The following STK3 variants were observed in gnomAD, a reference collection of about 807,000 sequenced individuals.
The protein encoded by STK3 is serine/threonine-protein kinase 3.
A neutral mutation model predicts 58.0 loss-of-function variants in STK3; 41 were observed. The observed-to-expected ratio is 0.71, with a 90% CI of 0.55 to 0.92. The LOEUF (loss-of-function observed/expected upper bound fraction) is 0.92. Ranked by LOEUF, STK3 falls within the 40% of genes least tolerant of loss-of-function variation. The pLI is 0.00. For synonymous variants in STK3, 170 were observed against 191.0 expected, an observed-to-expected ratio of 0.89 and a Z score of 0.91; for missense variants, 479 against 602.7, an observed-to-expected ratio of 0.79 and a Z score of 2.15.
At chr8:98,748,737 T>C (rs148506197) in intron 4 of STK3, among the ~76,000 whole-genome samples, 1 of 152,122 alleles carries the variant, frequency 6.6e-6, no homozygotes, top group East Asian at 1.9e-4. Flanking sequence ...ATAAAAAGCT[T>C]TTATTAAACA....
chr8:98,817,361 G>A (rs1175887163), intron 1 of STK3, among the ~76,000 whole-genome samples: 1 of 151,652 alleles, frequency 6.6e-6, no homozygotes, highest in Non-Finnish European at 1.5e-5. Flanking sequence ...GGCTGAGGCA[G>A]GAGAATTGCT....
intron 7 of STK3, chr8:98,595,665 A>G: frequency 6.3e-6 from 1 of 158,826 alleles, no homozygotes; most frequent in Non-Finnish European, 1.4e-5. Flanking sequence ...TGTAACTGAT[A>G]TTTACAACGT....
chr8:98,875,240 A>G (rs1169519510), intron 3 of STK3: 3 of 152,314 alleles, frequency 2.0e-5, no homozygotes, highest in East Asian at 1.9e-4. Flanking sequence ...TCAAATATCT[A>G]TAGTAGCCAG....
At chr8:98,357,072 G>A in the STK3 span, among the ~76,000 whole-genome samples, 396 of 152,308 alleles carry the variant, frequency 2.6e-3, 3 homozygotes, top group African/African-American at 8.8e-3. Context: ...AATTGAAGAA[G>A]GAAAGAGTCT....
At chr8:98,884,292 T>C (rs1482386988) in intron 1 of STK3, among the ~76,000 whole-genome samples, 1 of 152,248 alleles carries the variant, frequency 6.6e-6, no homozygotes, top group Non-Finnish European at 1.5e-5. Flanking sequence ...TGTGAGTCTA[T>C]TTTTATTTAT....
intron 4 of STK3, among the ~76,000 whole-genome samples, chr8:98,738,692 TCTGAGGTACCAGGTTCATCTCA>T (rs1432827673): frequency 5.3e-5 from 8 of 152,172 alleles, no homozygotes; most frequent in Non-Finnish European, 1.2e-4. Context: ...TGCATTTCCA[TCTGAGGTACCAGGTTCATCTCA>T]CTAGAGAGTG....
intron 3 of STK3, among the ~76,000 whole-genome samples, chr8:98,414,490 G>T (rs926783898): frequency 6.6e-6 from 1 of 152,130 alleles, no homozygotes; most frequent in African/African-American, 2.4e-5. Flanking sequence ...CTCAGGCAAA[G>T]TCCCACTCAT....
intron 3 of STK3, among the ~76,000 whole-genome samples, chr8:98,841,183 CT>C (rs1196158150): frequency 6.6e-6 from 1 of 152,168 alleles, no homozygotes; most frequent in African/African-American, 2.4e-5. Context: ...ATTTTTTTCT[CT>C]GTTCTATCAG....
intron 6 of STK3, among the ~76,000 whole-genome samples, chr8:98,656,872 T>C (rs972268650): frequency 6.6e-5 from 10 of 152,162 alleles, no homozygotes; most frequent in African/African-American, 2.4e-4. Context: ...AAATGAGAGT[T>C]ATATTCTGTC....
intron 6 of STK3, among the ~76,000 whole-genome samples, chr8:98,697,888 G>A (rs932589178): frequency 2.6e-5 from 4 of 152,148 alleles, no homozygotes; most frequent in Non-Finnish European, 4.4e-5. Context: ...TCTGCTTGGT[G>A]CACAGCTGAG....
intron 1 of STK3, among the ~76,000 whole-genome samples, chr8:98,903,551 TTCTTC>T (rs1838757936): frequency 5.7e-5 from 1 of 17,562 alleles, no homozygotes; most frequent in South Asian, 4.2e-3. Flanking sequence ...CTTCTTCTTC[TTCTTC>T]CTTTTTTTTT....
chr8:98,688,055 C>G (rs1219656269), intron 6 of STK3, among the ~76,000 whole-genome samples: 1 of 151,990 alleles, frequency 6.6e-6, no homozygotes, highest in African/African-American at 2.4e-5. Flanking sequence ...GTAACAACAC[C>G]CATAGACTCA....
At chr8:98,912,817 C>T (rs1839201416) in intron 1 of STK3, among the ~76,000 whole-genome samples, 1 of 152,186 alleles carries the variant, frequency 6.6e-6, no homozygotes, top group South Asian at 2.1e-4. Context: ...AAAACTCCAG[C>T]CAGGTAACCA....
At chr8:98,925,091 C>T (rs1162566520) in intron 1 of STK3, among the ~76,000 whole-genome samples, 1 of 152,154 alleles carries the variant, frequency 6.6e-6, no homozygotes, top group Non-Finnish European at 1.5e-5. Context: ...CAAAAGTAAC[C>T]ACAAGAAGGT....
the STK3 span, among the ~76,000 whole-genome samples, chr8:98,352,063 G>C: frequency 1.3e-5 from 2 of 151,378 alleles, no homozygotes; most frequent in African/African-American, 4.9e-5. Flanking sequence ...TGTGAATCCG[G>C]GAGATGGAGC....
intron 1 of STK3, among the ~76,000 whole-genome samples, chr8:98,885,500 C>T (rs1227365311): frequency 1.3e-5 from 2 of 152,126 alleles, no homozygotes; most frequent in African/African-American, 4.8e-5. Context: ...AGTGCAATGG[C>T]GCGATCTCGG....
At chr8:98,844,125 G>A (rs563101340) in intron 3 of STK3, among the ~76,000 whole-genome samples, 1 of 152,138 alleles carries the variant, frequency 6.6e-6, no homozygotes, top group African/African-American at 2.4e-5. Context: ...CAGCCTGGGC[G>A]ACAGAACAGA....
At chr8:98,401,607 A>G (rs1281578702) in intron 3 of STK3, 1 of 152,194 alleles carries the variant, frequency 6.6e-6, no homozygotes, top group Non-Finnish European at 1.5e-5. Flanking sequence ...TGTGGCTCCA[A>G]TTTCATATCC....
chr8:98,772,089 T>C (rs887256669), intron 2 of STK3, among the ~76,000 whole-genome samples: 3 of 152,242 alleles, frequency 2.0e-5, no homozygotes, highest in African/African-American at 7.2e-5. Context: ...ATTCCATAGA[T>C]ACTGGCACAA....
Sources: gnomAD v4.1 joint callset for allele counts (sites outside exome capture counted in the v4.1 genomes callset) on GRCh38, gnomAD v4.1.1 for gene constraint, MANE v1.5 for transcripts, NCBI Gene and HGNC (gene_info 2026-07-23, HGNC 2026-07-21) for gene names.